The following TUBGCP5 variants were observed in gnomAD, a reference collection of about 807,000 sequenced individuals.
TUBGCP5 encodes the protein gamma-tubulin complex component 5.
In TUBGCP5, 98 loss-of-function variants were observed where a neutral mutation model predicts 134.7. The observed-to-expected ratio is 0.73, with a 90% CI of 0.62 to 0.86. The LOEUF is 0.86. TUBGCP5 is among the 40% of genes least tolerant of loss of function. The pLI, the probability that TUBGCP5 is intolerant of heterozygous loss-of-function variation, is 0.00. For missense variants in TUBGCP5, 1,150 were observed against 1,244.8 expected (o/e 0.92, Z 1.15); for synonymous variants, 456 against 431.4 (o/e 1.06, Z -0.71).
chr15:23,031,068 A>T lies in TUBGCP5; in HGVS notation c.487-48T>A, dbSNP rs367951520. 6 of 1,505,088 alleles carry T rather than the reference A, an allele frequency of 4.0e-6. No homozygotes were observed. The African/African-American group carries it at 7.1e-5, about 18-fold the overall frequency. The allele number at this position is 1,505,088 out of a possible 1,614,324, so 93.2% of individuals were successfully genotyped here. A position where few individuals can be genotyped will look rare whatever the true frequency, so the allele number is the denominator to read the frequency against. On this transcript the variant is annotated intron_variant, in intron 5 of 22. Transcript: ENST00000615383. Reference sequence around the variant, plus strand: ...TTTAGCTTTACAGAGTATAACACTTAAAGCTATTTACATTAAAAGACTAAG... The same window carrying T: ...TTTAGCTTTACAGAGTATAACACTTTAAGCTATTTACATTAAAAGACTAAG...
intron 6 of TUBGCP5, among the ~76,000 whole-genome samples, chr15:23,028,041 G>C (rs34022455): frequency 0.087 from 13,279 of 152,070 alleles, 1,051 homozygotes; most frequent in East Asian, 0.46. Flanking sequence ...AACATTTTAT[G>C]AGGCTAATGT....
intron 23 of TUBGCP5, among the ~76,000 whole-genome samples, chr15:22,993,619 A>G (rs1017096906): frequency 1.4e-5 from 2 of 138,366 alleles, no homozygotes; most frequent in Admixed American, 1.7e-4. Flanking sequence ...ATCTCGGCTC[A>G]CTGCAACCTC....
At chr15:23,005,909 T>C in intron 18 of TUBGCP5, 143 bp downstream of exon 18, 1 of 907,576 alleles carries the variant, frequency 1.1e-6, no homozygotes, top group Non-Finnish European at 1.6e-6. Context: ...TTTTGGCATT[T>C]GTGTACACAT....
chr15:23,002,975 T>G lies in TUBGCP5; in HGVS notation c.2927+90A>C. Reference sequence around the variant, plus strand: ...AAGCAATCCTCTCCTCTCAGCCTCCTGAATGGCTGGGAAGACCCTGTCTCT... The same window carrying G: ...AAGCAATCCTCTCCTCTCAGCCTCCGGAATGGCTGGGAAGACCCTGTCTCT... On this transcript the variant is annotated intron_variant, in intron 21 of 22. Coordinates refer to ENST00000615383, the MANE Select transcript of TUBGCP5 (RefSeq NM_052903.6). 5 of 1,323,782 alleles carry G rather than the reference T, an allele frequency of 3.8e-6. 1 individual carries two copies. Among genetic ancestry groups the G allele is most frequent in the Non-Finnish European group, 5.3e-6 (5 of 934,890 alleles). The allele number at this position is 1,323,782 out of a possible 1,614,324, so 82.0% of individuals were successfully genotyped here.
At chr15:22,996,832 T>C (rs1031625555), downstream of TUBGCP5, 2 of 152,236 alleles carry the variant, frequency 1.3e-5, no homozygotes, top group African/African-American at 4.8e-5. Context: ...TAGCCGCATA[T>C]GGTGGTGCAT....
At chr15:23,037,559 T>G (rs1006056104) in intron 1 of TUBGCP5, among the ~76,000 whole-genome samples, 1 of 152,220 alleles carries the variant, frequency 6.6e-6, no homozygotes, top group Admixed American at 6.5e-5. Flanking sequence ...AATCCCATTA[T>G]ACTGAGATAC....
intron 12 of TUBGCP5, among the ~76,000 whole-genome samples, 176 bp downstream of exon 12, chr15:23,019,043 G>A (rs2065501078): frequency 6.6e-6 from 1 of 152,208 alleles, no homozygotes; most frequent in Admixed American, 6.5e-5. Context: ...TAATCAGCTG[G>A]TATTACTGAT....
intron 6 of TUBGCP5, 126 bp from the exon 7 acceptor site, chr15:23,027,432 C>T: frequency 1.6e-6 from 1 of 635,558 alleles, no homozygotes. Flanking sequence ...AGCTACCTAA[C>T]ATTTATGTAT....
chr15:23,029,625 T>C (rs1429906354), intron 6 of TUBGCP5, among the ~76,000 whole-genome samples: 1 of 152,110 alleles, frequency 6.6e-6, no homozygotes, highest in Non-Finnish European at 1.5e-5. Context: ...GATTCACATC[T>C]GTAATCCCCG....
intron 23 of TUBGCP5, among the ~76,000 whole-genome samples, chr15:22,986,147 AAAT>A (rs1555430354): frequency 1.1e-3 from 152 of 132,826 alleles, no homozygotes; most frequent in Middle Eastern, 3.8e-3. Context: ...AAAAAAAAAA[AAAT>A]AATAATAATA....
At chr15:23,035,006 A>T (rs2066504979) in intron 3 of TUBGCP5, among the ~76,000 whole-genome samples, 1 of 152,158 alleles carries the variant, frequency 6.6e-6, no homozygotes, top group Non-Finnish European at 1.5e-5. Flanking sequence ...AAGAGGGGTC[A>T]TCACTACTGA....
intron 11 of TUBGCP5, among the ~76,000 whole-genome samples, chr15:23,021,038 G>T (rs956635336): frequency 6.6e-6 from 1 of 152,112 alleles, no homozygotes; most frequent in African/African-American, 2.4e-5. Context: ...ACAGGTGTTC[G>T]CCACCACACT....
intron 6 of TUBGCP5, among the ~76,000 whole-genome samples, chr15:23,029,179 A>G (rs1240936943): frequency 1.3e-5 from 2 of 152,164 alleles, no homozygotes; most frequent in African/African-American, 4.8e-5. Context: ...AGATCTATAA[A>G]TTCTCTGCAA....
chr15:23,006,207 T>C, intron 17 of TUBGCP5, 35 bp from the exon 18 acceptor site: 5 of 1,610,662 alleles, frequency 3.1e-6, no homozygotes, highest in Non-Finnish European at 4.2e-6. Flanking sequence ...AAGTAACCAA[T>C]TACTTGCATG....
Position 23,010,647 on chromosome 15 carries a change from C to T in TUBGCP5, c.1955+486G>A, listed in dbSNP as rs77473134. ...AACGACATGGAATCCAAACTATACA[C>T]CTGAAGTAGGTGAGCACAACATCTT... On this transcript the variant is annotated intron_variant, in intron 14 of 22. Transcript: ENST00000615383. 5.8e-3 allele frequency among the ~76,000 whole-genome samples: 880 copies of T among 152,150 alleles called. 5 individuals are homozygous for T. Among genetic ancestry groups the T allele is most frequent in the African/African-American group, 0.02 (839 of 41,500 alleles).
At chr15:23,029,501 G>T (rs190678477) in intron 6 of TUBGCP5, among the ~76,000 whole-genome samples, 2 of 152,280 alleles carry the variant, frequency 1.3e-5, no homozygotes, top group East Asian at 3.9e-4. Flanking sequence ...GATTACAGGC[G>T]TAAGCCACTG....
chr15:23,032,825 C>A lies in TUBGCP5; in HGVS notation c.310-1G>T. The stretch of plus-strand genomic sequence containing the variant: ...ACAGTATGGAATAATGTGCATCTGT[C>A]TTTAAAACAAAAAAAAGAACATAAA... On this transcript the variant is annotated splice_acceptor_variant, in intron 3 of 22. Transcript: ENST00000615383. LOFTEE classifies it high-confidence loss of function. The A allele has an allele frequency of 1.3e-6, 2 of 1,549,556 alleles. No homozygotes were observed. The highest frequency in any genetic ancestry group is 2.2e-5 in the Admixed American group (1 of 46,292).
At position 23,039,559 on chromosome 15, in the gene TUBGCP5, A is replaced by C. The variant is rs771967342; in HGVS notation, c.-16T>G. ...GCCGCGCCATGTTCCGCGCTCCTGC[A>C]GCGCGCGTCTAACGAATTGGTGCCT... On this transcript the variant is annotated 5_prime_UTR_variant, in exon 1 of 23. Coordinates refer to ENST00000615383, the MANE Select transcript of TUBGCP5 (RefSeq NM_052903.6). The C allele has an allele frequency of 5.0e-6, 7 of 1,393,550 alleles. No individual in the cohort carries two copies. The highest frequency in any genetic ancestry group is 6.6e-6 in the Non-Finnish European group (7 of 1,058,132). 86.3% of individuals were successfully genotyped at this position (1,393,550 alleles called of 1,614,324 possible).
At chr15:23,005,340 A>G in intron 19 of TUBGCP5, 92 bp downstream of exon 19, 1 of 1,436,232 alleles carries the variant, frequency 7.0e-7, no homozygotes, top group Non-Finnish European at 9.4e-7. Context: ...GTCTGTAGGT[A>G]TTTTTTACTT....
Sources: gnomAD v4.1 joint callset for allele counts (sites outside exome capture counted in the v4.1 genomes callset) on GRCh38, gnomAD v4.1.1 for gene constraint, MANE v1.5 for transcripts, NCBI Gene and HGNC (gene_info 2026-07-23, HGNC 2026-07-21) for gene names.